Variants in WFDC1 observed in about 807,000 individuals in gnomAD.
The protein encoded by WFDC1 is WAP four-disulfide core domain 1, also known as WAP four-disulfide core domain protein 1.
Under a neutral mutation model 32.9 loss-of-function variants are expected in WFDC1, and 39 were observed. The observed-to-expected ratio is 1.19, with a 90% CI of 0.92 to 1.55. WFDC1 has a LOEUF of 1.55. Among genes scored for constraint, WFDC1 ranks in the 40% most tolerant of loss-of-function variants. The pLI, the probability that WFDC1 is intolerant of heterozygous loss-of-function variation, is 0.00. For missense variants in WFDC1, 386 were observed against 309.5 expected (o/e 1.25, Z -1.85); for synonymous variants, 184 against 137.4 (o/e 1.34, Z -2.37).
At position 84,295,036 on chromosome 16, in the gene WFDC1, T is replaced by G. The variant is rs1406671701; in HGVS notation, c.65T>G (p.Leu22Trp). Residue 22 changes from leucine to tryptophan, a missense_variant, in exon 1 of 7, where the codon TTG becomes TGG. By Grantham distance (61) the Leu-to-Trp change is moderately conservative. Coordinates refer to ENST00000219454, the MANE Select transcript of WFDC1 (RefSeq NM_021197.4). ...RRQIIRALCL[L>W]LLLLHAGSAK... ...CAGATCATCCGGGCTCTGTGCCTCT[T>G]GCTACTTCTCCTCCACGCCGGCTCT... 4.3e-6 allele frequency: 7 copies of G among 1,614,254 alleles called. No individual in the cohort carries two copies. The highest frequency in any genetic ancestry group is 5.9e-6 in the Non-Finnish European group (7 of 1,180,044).
At chr16:84,309,329 CT>C (rs1443382216) in intron 1 of WFDC1, among the ~76,000 whole-genome samples, 6 of 152,086 alleles carry the variant, frequency 3.9e-5, no homozygotes, top group African/African-American at 1.2e-4. Context: ...GGAGCTGGGA[CT>C]TTGTCCCGAG....
intron 1 of WFDC1, among the ~76,000 whole-genome samples, chr16:84,311,794 T>A (rs770963056): frequency 6.7e-6 from 1 of 150,130 alleles, no homozygotes; most frequent in Non-Finnish European, 1.5e-5. Context: ...CACCTTGACT[T>A]CTGGAAATGC....
chr16:84,324,338 TAA>T, intron 4 of WFDC1, 79 bp from the exon 5 acceptor site: 1 of 1,301,548 alleles, frequency 7.7e-7, no homozygotes, highest in Non-Finnish European at 1.1e-6. Context: ...AAAACACAAG[TAA>T]TTCCTCAGTG....
At chr16:84,315,894 G>A (rs1168383039) in intron 2 of WFDC1, among the ~76,000 whole-genome samples, 1 of 152,166 alleles carries the variant, frequency 6.6e-6, no homozygotes, top group Admixed American at 6.5e-5. Context: ...TATTTGGGAG[G>A]TGATCCCAGG....
At chr16:84,318,531 C>T (rs1220964841) in intron 3 of WFDC1, 176 bp downstream of exon 3, 2 of 620,316 alleles carry the variant, frequency 3.2e-6, no homozygotes, top group Admixed American at 2.6e-5. Flanking sequence ...TGGCTGGGGG[C>T]TTGGCCAGAA....
intron 1 of WFDC1, among the ~76,000 whole-genome samples, chr16:84,301,011 A>C (rs1292331518): frequency 6.6e-6 from 1 of 152,022 alleles, no homozygotes; most frequent in African/African-American, 2.4e-5. Flanking sequence ...ACATAGAATC[A>C]GAGACACATG....
At chr16:84,309,967 T>C (rs1046017634) in intron 1 of WFDC1, among the ~76,000 whole-genome samples, 1 of 152,088 alleles carries the variant, frequency 6.6e-6, no homozygotes, top group Non-Finnish European at 1.5e-5. Flanking sequence ...CATCTCCCCA[T>C]GTCAAGATCC....
At chr16:84,326,475 A>G (rs184539954) in intron 5 of WFDC1, 102 of 179,618 alleles carry the variant, frequency 5.7e-4, no homozygotes, top group African/African-American at 2.1e-3. Context: ...TCCTGACATC[A>G]CATGCTGGAT....
At chr16:84,297,220 G>A (rs1225760609) in intron 1 of WFDC1, among the ~76,000 whole-genome samples, 1 of 152,126 alleles carries the variant, frequency 6.6e-6, no homozygotes, top group Non-Finnish European at 1.5e-5. Context: ...TGGTCAGGAT[G>A]CAAGTGCTTT....
rs1488389467 is a variant in WFDC1 at position 84,313,035 on chromosome 16, G to GC, written c.225dup (p.Gly76ArgfsTer61). ...GCTGCCCGCCGCCTCCGCGGACGCT[G>GC]CCCCCCGGCGCCTGCCAGGCCGCGC... On this transcript the variant is annotated frameshift_variant, in exon 2 of 7. Coordinates refer to ENST00000219454, the MANE Select transcript of WFDC1 (RefSeq NM_021197.4). LOFTEE classifies it high-confidence loss of function. The GC allele has an allele frequency of 2.9e-5, 39 of 1,351,554 alleles. No individual in the cohort carries two copies. Among genetic ancestry groups the GC allele is most frequent in the South Asian group, 2.8e-4 (16 of 56,412 alleles). 83.7% of individuals were successfully genotyped at this position (1,351,554 alleles called of 1,614,324 possible).
chr16:84,318,510 AGAAGGGCTGATG>A, intron 3 of WFDC1, 155 bp downstream of exon 3: 1 of 664,012 alleles, frequency 1.5e-6, no homozygotes, highest in Non-Finnish European at 2.7e-6. Flanking sequence ...ACCCCAGCGA[AGAAGGGCTGATG>A]GCTGGGGGCT....
chr16:84,299,337 C>G (rs1266375279), intron 1 of WFDC1, among the ~76,000 whole-genome samples: 1 of 151,678 alleles, frequency 6.6e-6, no homozygotes, highest in Non-Finnish European at 1.5e-5. Flanking sequence ...TGGATTCCAG[C>G]CTGGGCAAGA....
At chr16:84,321,154 TG>T (rs1442727905) in intron 4 of WFDC1, among the ~76,000 whole-genome samples, 1 of 152,244 alleles carries the variant, frequency 6.6e-6, no homozygotes. Flanking sequence ...CTTACTGCTG[TG>T]GGCAGCAAAT....
chr16:84,323,466 G>T (rs533547777), intron 4 of WFDC1, among the ~76,000 whole-genome samples: 1 of 152,140 alleles, frequency 6.6e-6, no homozygotes, highest in Non-Finnish European at 1.5e-5. Flanking sequence ...TGGGTAGCAC[G>T]GCTAGTCATG....
At chr16:84,311,321 T>G (rs1366018716) in intron 1 of WFDC1, among the ~76,000 whole-genome samples, 1 of 151,212 alleles carries the variant, frequency 6.6e-6, no homozygotes, top group Non-Finnish European at 1.5e-5. Context: ...CTTGGCTCAC[T>G]GCAAGCTCCG....
chr16:84,308,431 G>C (rs941918291), intron 1 of WFDC1, among the ~76,000 whole-genome samples: 11 of 152,198 alleles, frequency 7.2e-5, no homozygotes, highest in African/African-American at 2.7e-4. Context: ...CTCTCAGTGT[G>C]GGGTGGCGAG....
rs1432227607 is a variant in WFDC1, at chr16:84,329,810, G to A, written c.*504G>A. ...GAGGCCTAAATGTTAGCAGGTGGGA[G>A]GAGGCCACAGAACAATAAAAACAAC... is the stretch of plus-strand genomic sequence containing the variant. On this transcript the variant is annotated 3_prime_UTR_variant, in exon 7 of 7. Transcript: ENST00000219454. 1 of 152,220 alleles carries A rather than the reference G, an allele frequency of 6.6e-6. No homozygotes were observed. The highest frequency in any genetic ancestry group is 2.4e-5 in the African/African-American group (1 of 41,444). 9.4% of individuals were successfully genotyped at this position (152,220 alleles called of 1,614,324 possible).
intron 1 of WFDC1, among the ~76,000 whole-genome samples, chr16:84,306,091 G>C (rs1180315859): frequency 6.6e-6 from 1 of 152,002 alleles, no homozygotes; most frequent in African/African-American, 2.4e-5. Flanking sequence ...CATTGCCCGT[G>C]CTGAGCCGAG....
At chr16:84,312,875 G>T (rs1219921327) in intron 1 of WFDC1, 86 bp from the exon 2 acceptor site, 1 of 841,994 alleles carries the variant, frequency 1.2e-6, no homozygotes, top group East Asian at 6.3e-5. Context: ...GAGGCCCGGC[G>T]CACTGCCCAC....
Sources: allele counts gnomAD v4.1 joint callset (sites outside exome capture counted in the v4.1 genomes callset), GRCh38; gene constraint gnomAD v4.1.1; transcripts MANE v1.5; gene names NCBI Gene and HGNC (gene_info 2026-07-23, HGNC 2026-07-21).